MYLK: variants seen among roughly 807,000 people sequenced by gnomAD.
The protein encoded by MYLK is myosin light chain kinase, smooth muscle.
A neutral mutation model predicts 203.4 loss-of-function variants in MYLK; 106 were observed. That is an observed-to-expected ratio of 0.52 (90% CI 0.45 to 0.61). The LOEUF (loss-of-function observed/expected upper bound fraction) is 0.61. Ranked by LOEUF, MYLK falls within the 20% of genes least tolerant of loss-of-function variation. MYLK has a pLI of 0.00. For synonymous variants in MYLK, 867 were observed against 959.5 expected (o/e 0.90, Z 1.78); for missense variants, 2,072 against 2,442.3 (o/e 0.85, Z 3.20).
chr3:123,758,652 G>A (rs192107662), intron 4 of MYLK, among the ~76,000 whole-genome samples: 165 of 152,246 alleles, frequency 1.1e-3, no homozygotes, highest in African/African-American at 3.8e-3. Context: ...TTATAGCTCC[G>A]TAGCTGGGGG....
chr3:123,657,189 C>T lies in MYLK; in HGVS notation c.4225G>A (p.Val1409Met), dbSNP rs751056847. The T allele has an allele frequency of 2.8e-5, 45 of 1,614,050 alleles. No homozygotes were observed. Among genetic ancestry groups the T allele is most frequent in the Middle Eastern group, 1.6e-4 (1 of 6,084 alleles). The change falls in exon 24 of 34, where the codon GTG becomes ATG. Residue 1409 changes from valine to methionine, a missense_variant. Val to Met is a conservative substitution (Grantham distance 21). Around this residue, in one of 3 missense-constraint regions of MYLK, gnomAD observed 524 missense variants for 782.4 expected, o/e 0.67. Coordinates refer to ENST00000360304, the MANE Select transcript of MYLK (RefSeq NM_053025.4). ...EYKFRVRAIN[V>M]YGTSEPSQES... ...TGGCTTGGCTCACTGGTTCCATACA[C>T]GTTGATTGCACGTACACGGAACTTA...
At chr3:123,673,151 TTTTTC>T (rs1043831251) in intron 20 of MYLK, among the ~76,000 whole-genome samples, 1 of 135,832 alleles carries the variant, frequency 7.4e-6, no homozygotes, top group African/African-American at 2.5e-5. Context: ...GCATGTTCTT[TTTTTC>T]TTTTCTTTTT....
intron 23 of MYLK, among the ~76,000 whole-genome samples, chr3:123,660,518 G>A (rs535145495): frequency 2.0e-5 from 3 of 152,272 alleles, no homozygotes; most frequent in African/African-American, 7.2e-5. Flanking sequence ...TGCAGGAAGA[G>A]GCTCTGAGCA....
chr3:123,769,567 G>A (rs1397068394), intron 4 of MYLK, among the ~76,000 whole-genome samples: 2 of 152,200 alleles, frequency 1.3e-5, no homozygotes, highest in Admixed American at 1.3e-4. Flanking sequence ...ATCCCAGCCT[G>A]GGTGTCACTT....
intron 1 of MYLK, among the ~76,000 whole-genome samples, chr3:123,882,676 C>T (rs556199317): frequency 2.6e-5 from 4 of 152,266 alleles, no homozygotes; most frequent in South Asian, 4.1e-4. Flanking sequence ...CCAGAGTACC[C>T]GCTACCCAAT....
At chr3:123,784,776 G>A (rs1019978988) in intron 4 of MYLK, among the ~76,000 whole-genome samples, 1 of 152,158 alleles carries the variant, frequency 6.6e-6, no homozygotes, top group African/African-American at 2.4e-5. Flanking sequence ...CCAAATGCAG[G>A]TGGCTTCTGT....
At chr3:123,634,177 T>C (rs1037642489) in intron 29 of MYLK, among the ~76,000 whole-genome samples, 1 of 152,218 alleles carries the variant, frequency 6.6e-6, no homozygotes, top group Non-Finnish European at 1.5e-5. Flanking sequence ...CATCATTTTG[T>C]GGACTGGCCG....
intron 5 of MYLK, among the ~76,000 whole-genome samples, chr3:123,747,046 G>A (rs1050312993): frequency 4.6e-5 from 7 of 152,290 alleles, no homozygotes; most frequent in Admixed American, 3.9e-4. Flanking sequence ...AATAGACACG[G>A]CCTAAAAATG....
chr3:123,821,650 C>T (rs1156376156), intron 3 of MYLK, among the ~76,000 whole-genome samples: 2 of 152,186 alleles, frequency 1.3e-5, no homozygotes, highest in Non-Finnish European at 2.9e-5. Context: ...CCCAAGATGG[C>T]TTTCCATTTT....
chr3:123,719,720 G>A (rs2332588), intron 13 of MYLK, among the ~76,000 whole-genome samples: 36 of 152,328 alleles, frequency 2.4e-4, no homozygotes, highest in African/African-American at 3.1e-4. Flanking sequence ...GCTCCCCACC[G>A]TGGCCTGGTG....
In MYLK at chr3:123,700,088, G is replaced by C; in HGVS notation, c.3380C>G (p.Ala1127Gly). 6.2e-7 allele frequency: 1 copy of C among 1,614,006 alleles called. No individual in the cohort carries two copies. Among genetic ancestry groups the C allele is most frequent in the East Asian group, 2.2e-5 (1 of 44,840 alleles). ...LQCQVSSDPP[A>G]TIIWTLNGKT... Reference sequence around the variant, plus strand: ...TCCGTTCAGCGTCCAGATGATGGTGGCTGGGGGGTCAGAAGACACCTGGCA... The same window carrying C: ...TCCGTTCAGCGTCCAGATGATGGTGCCTGGGGGGTCAGAAGACACCTGGCA... Residue 1127 changes from alanine to glycine, a missense_variant, in exon 18 of 34, where the codon GCC becomes GGC. Physicochemically the swap from Ala to Gly is moderately conservative, Grantham distance 60. Around this residue, in one of 3 missense-constraint regions of MYLK, gnomAD observed 865 missense variants for 1,016.0 expected, o/e 0.85. Transcript: ENST00000360304.
chr3:123,630,998 G>C (rs540725156), intron 29 of MYLK, among the ~76,000 whole-genome samples: 2 of 152,254 alleles, frequency 1.3e-5, no homozygotes, highest in South Asian at 4.2e-4. Context: ...TTAATGCTCT[G>C]CTGCTGTCGT....
At chr3:123,795,674 A>T (rs2064959864) in intron 3 of MYLK, among the ~76,000 whole-genome samples, 1 of 152,250 alleles carries the variant, frequency 6.6e-6, no homozygotes, top group South Asian at 2.1e-4. Context: ...TCCCTGTCCC[A>T]GGTTCCAAGT....
intron 18 of MYLK, among the ~76,000 whole-genome samples, chr3:123,694,597 A>T (rs1025904168): frequency 6.6e-6 from 1 of 152,242 alleles, no homozygotes; most frequent in African/African-American, 2.4e-5. Flanking sequence ...CCCCCAACGC[A>T]CATCCTGTTC....
intron 2 of MYLK, among the ~76,000 whole-genome samples, chr3:123,853,428 G>A (rs577473331): frequency 2.0e-5 from 3 of 152,244 alleles, no homozygotes; most frequent in East Asian, 1.9e-4. Context: ...AAACTGGGAA[G>A]ACACCCCAGA....
At chr3:123,620,623 G>A in intron 31 of MYLK, 1 of 1,191,628 alleles carries the variant, frequency 8.4e-7, no homozygotes, top group Non-Finnish European at 1.1e-6. Flanking sequence ...TTCATACAGT[G>A]CTTCAACTCC....
intron 4 of MYLK, among the ~76,000 whole-genome samples, chr3:123,781,096 C>T (rs934210065): frequency 6.6e-6 from 1 of 152,184 alleles, no homozygotes; most frequent in African/African-American, 2.4e-5. Context: ...GGGACCTGCT[C>T]AGGGAATGTA....
chr3:123,774,757 G>T (rs2064006603), intron 4 of MYLK, among the ~76,000 whole-genome samples: 1 of 152,090 alleles, frequency 6.6e-6, no homozygotes. Flanking sequence ...GAAAGGCCTA[G>T]AATGAAACCG....
intron 8 of MYLK, among the ~76,000 whole-genome samples, chr3:123,736,479 C>T (rs1400312579): frequency 6.6e-6 from 1 of 152,108 alleles, no homozygotes; most frequent in African/African-American, 2.4e-5. Flanking sequence ...AGCCCCTTCC[C>T]CATCCCTGCA....
Sources: allele counts gnomAD v4.1 joint callset (sites outside exome capture counted in the v4.1 genomes callset), GRCh38; gene constraint gnomAD v4.1.1; regional missense constraint gnomAD v4.1.1; transcripts MANE v1.5; gene names NCBI Gene and HGNC (gene_info 2026-07-23, HGNC 2026-07-21).